Variants in UGT2B17 observed in about 807,000 individuals in gnomAD.
UGT2B17 encodes the protein UDP glucuronosyltransferase family 2 member B17.
Under a neutral mutation model 48.2 loss-of-function variants are expected in UGT2B17, and 21 were observed. The observed-to-expected ratio is 0.44, with a 90% CI of 0.31 to 0.63. The LOEUF (loss-of-function observed/expected upper bound fraction) is 0.63, where lower values mean the gene tolerates loss of function less well. Ranked by LOEUF, UGT2B17 falls within the 20% of genes least tolerant of loss-of-function variation. UGT2B17 has a pLI of 0.08. For synonymous variants in UGT2B17, 146 were observed against 238.4 expected, an observed-to-expected ratio of 0.61 and a Z score of 3.57; for missense variants, 402 against 696.1, an observed-to-expected ratio of 0.58 and a Z score of 4.75.
chr4:68,559,623 G>T (rs1165816646), intron 4 of UGT2B17, among the ~76,000 whole-genome samples: 1 of 126,376 alleles, frequency 7.9e-6, no homozygotes. Context: ...GCAAAAACTT[G>T]CATAGATCAT....
intron 6 of UGT2B17, among the ~76,000 whole-genome samples, chr4:68,543,541 G>T (rs1250398819): frequency 7.9e-6 from 1 of 125,952 alleles, no homozygotes; most frequent in Non-Finnish European, 1.7e-5. Context: ...CTCCTCCAAA[G>T]AAATGCAGCT....
At position 68,557,094 on chromosome 4, in the gene UGT2B17, G is replaced by A. The variant is rs1309079566; in HGVS notation, c.1005+3443C>T. Among the ~76,000 whole-genome samples the A allele has an allele frequency of 7.2e-5, 9 of 124,794 alleles. 4 individuals carry two copies. The highest frequency in any genetic ancestry group is 1.5e-4 in the Non-Finnish European group (9 of 59,020). The allele number at this position is 124,794 out of a possible 152,430, so 81.9% of individuals were successfully genotyped here. A position where few individuals can be genotyped will look rare whatever the true frequency, so the allele number is the denominator to read the frequency against. ...TTATATAAATATGTTATTGGCATGTGTTCCAAAATTATGGGAAACTCCTAT... is the reference window on the plus strand; with the variant it reads ...TTATATAAATATGTTATTGGCATGTATTCCAAAATTATGGGAAACTCCTAT... On this transcript the variant is annotated intron_variant, in intron 4 of 6. Transcript: ENST00000317746.
At position 68,557,935 on chromosome 4, in the gene UGT2B17, A is replaced by G. The variant is rs1033766695; in HGVS notation, c.1005+2602T>C. On this transcript the variant is annotated intron_variant, in intron 4 of 6. Coordinates refer to ENST00000317746, the MANE Select transcript of UGT2B17 (RefSeq NM_001077.4). ...AATGTAACTTTCTGACAGGCCCAGGAGCCCCAAGTTTATTTTGGAACCCCA... is the reference window on the plus strand; with the variant it reads ...AATGTAACTTTCTGACAGGCCCAGGGGCCCCAAGTTTATTTTGGAACCCCA... 1.6e-5 allele frequency among the ~76,000 whole-genome samples: 2 copies of G among 123,886 alleles called. 1 individual carries two copies. The allele number at this position is 123,886 out of a possible 152,430, so 81.3% of individuals were successfully genotyped here. A position where few individuals can be genotyped will look rare whatever the true frequency, so the allele number is the denominator to read the frequency against.
rs1479958179 is a variant in UGT2B17 at position 68,543,249 on chromosome 4, A to G, written c.1314-5345T>C. Among the ~76,000 whole-genome samples the G allele has an allele frequency of 5.6e-5, 7 of 125,346 alleles. 1 individual carries two copies. Among genetic ancestry groups the G allele is most frequent in the Non-Finnish European group, 8.4e-5 (5 of 59,260 alleles). 82.2% of individuals were successfully genotyped at this position (125,346 alleles called of 152,430 possible). A position where few individuals can be genotyped will look rare whatever the true frequency, so the allele number is the denominator to read the frequency against. ...CTCCTCTGAGAAAACTTCCAGAGGA[A>G]CAATCAGACAGCAACATTTGCTGTT... On this transcript the variant is annotated intron_variant, in intron 6 of 6. Coordinates refer to ENST00000317746, the MANE Select transcript of UGT2B17 (RefSeq NM_001077.4).
At chr4:68,572,812 C>T (rs1267451014) in intron 1 of UGT2B17, among the ~76,000 whole-genome samples, 1 of 126,000 alleles carries the variant, frequency 7.9e-6, no homozygotes, top group Non-Finnish European at 1.7e-5. Context: ...CATGCTTCAG[C>T]CATGCGTGGA....
chr4:68,573,765 T>G (rs769698851), intron 1 of UGT2B17, among the ~76,000 whole-genome samples: 1 of 126,674 alleles, frequency 7.9e-6, no homozygotes, highest in Non-Finnish European at 1.7e-5. Flanking sequence ...AAGGGCTGAT[T>G]GATTGATAAG....
At position 68,554,692 on chromosome 4, in the gene UGT2B17, C is replaced by T. The variant is rs1730971636; in HGVS notation, c.1006-2781G>A. On this transcript the variant is annotated intron_variant, in intron 4 of 6. Coordinates refer to ENST00000317746, the MANE Select transcript of UGT2B17 (RefSeq NM_001077.4). ...CCATTTTATTTTCCTTCTAGCACAC[C>T]AATTTTTTTCTCTGTGTACATTATG... Among the ~76,000 whole-genome samples the T allele has an allele frequency of 1.6e-5, 2 of 124,582 alleles. 1 individual carries two copies. The highest frequency in any genetic ancestry group is 7.4e-4 in the South Asian group (2 of 2,718). The allele number at this position is 124,582 out of a possible 152,430, so 81.7% of individuals were successfully genotyped here. A position where few individuals can be genotyped will look rare whatever the true frequency, so the allele number is the denominator to read the frequency against.
chr4:68,539,326 T>A (rs1730612655), intron 6 of UGT2B17, among the ~76,000 whole-genome samples: 1 of 125,680 alleles, frequency 8.0e-6, no homozygotes, highest in South Asian at 3.7e-4. Flanking sequence ...TAAATAATAC[T>A]TATTCATTTC....
Position 68,550,676 on chromosome 4 carries a change from C to T in UGT2B17, c.1313+1G>A, listed in dbSNP as rs1382231823. On this transcript the variant is annotated splice_donor_variant, in intron 6 of 6. Coordinates refer to ENST00000317746, the MANE Select transcript of UGT2B17 (RefSeq NM_001077.4). LOFTEE classifies it high-confidence loss of function. ...CCTGGTCACAAAATTGTAATACTCA[C>T]ATAGGGTCATTAATGACTGACTTCA... 7.3e-7 allele frequency: 1 copy of T among 1,374,804 alleles called. No individual in the cohort carries two copies. The highest frequency in any genetic ancestry group is 9.5e-7 in the Non-Finnish European group (1 of 1,052,046). The allele number at this position is 1,374,804 out of a possible 1,614,324, so 85.2% of individuals were successfully genotyped here. A position where few individuals can be genotyped will look rare whatever the true frequency, so the allele number is the denominator to read the frequency against.
In UGT2B17 at chr4:68,539,126, T is replaced by C. The variant is rs1163509866; in HGVS notation, c.1314-1222A>G. On this transcript the variant is annotated intron_variant, in intron 6 of 6. Transcript: ENST00000317746. ...AAGTATGAAATACATAGGATAAATGTATATACGCTATGTGACTATCTCAAA... is the reference window on the plus strand; with the variant it reads ...AAGTATGAAATACATAGGATAAATGCATATACGCTATGTGACTATCTCAAA... Among the ~76,000 whole-genome samples, 4 of 126,340 alleles carry C rather than the reference T, an allele frequency of 3.2e-5. 1 individual carries two copies. The South Asian group carries it at 1.1e-3, about 35-fold the overall frequency. The allele number at this position is 126,340 out of a possible 152,430, so 82.9% of individuals were successfully genotyped here.
At chr4:68,559,215 T>C (rs1731058209) in intron 4 of UGT2B17, among the ~76,000 whole-genome samples, 1 of 125,438 alleles carries the variant, frequency 8.0e-6, no homozygotes, top group African/African-American at 2.7e-5. Flanking sequence ...ACATCATTGA[T>C]TACAAAAGAC....
intron 6 of UGT2B17, among the ~76,000 whole-genome samples, chr4:68,545,433 A>G (rs1183412490): frequency 8.0e-6 from 1 of 125,320 alleles, no homozygotes; most frequent in Non-Finnish European, 1.7e-5. Flanking sequence ...CAGTGTGTAG[A>G]TGGAAATTTA....
chr4:68,569,998 C>A (rs1434801404), intron 1 of UGT2B17, among the ~76,000 whole-genome samples: 1 of 125,816 alleles, frequency 7.9e-6, no homozygotes, highest in Non-Finnish European at 1.7e-5. Context: ...GTGGACCTAC[C>A]CCTCCACCCC....
In UGT2B17 at chr4:68,564,451, A is replaced by G. The variant is rs746665503; in HGVS notation, c.873+1121T>C. Among the ~76,000 whole-genome samples the G allele has an allele frequency of 2.5e-5, 3 of 119,228 alleles. 1 individual carries two copies. Among genetic ancestry groups the G allele is most frequent in the Non-Finnish European group, 5.2e-5 (3 of 57,424 alleles). 78.2% of individuals were successfully genotyped at this position (119,228 alleles called of 152,430 possible). ...TTAGAGGTGCCTGCCAACATGCCTG[A>G]CTAATTTTTGTATTTTTAGTAGAGA... On this transcript the variant is annotated intron_variant, in intron 3 of 6. Coordinates refer to ENST00000317746, the MANE Select transcript of UGT2B17 (RefSeq NM_001077.4).
In UGT2B17 at chr4:68,566,395, C is replaced by G. The variant is rs1370765545; in HGVS notation, c.725-675G>C. The stretch of plus-strand genomic sequence containing the variant: ...ATGGTTTGACTGTCCCCACCCAAAT[C>G]TCCTCTCATCTTGAATTATAATCCC... On this transcript the variant is annotated intron_variant, in intron 2 of 6. Coordinates refer to ENST00000317746, the MANE Select transcript of UGT2B17 (RefSeq NM_001077.4). Among the ~76,000 whole-genome samples the G allele has an allele frequency of 2.6e-4, 30 of 116,998 alleles. 3 individuals are homozygous for G. The highest frequency in any genetic ancestry group is 8.4e-4 in the African/African-American group (29 of 34,386). 76.8% of individuals were successfully genotyped at this position (116,998 alleles called of 152,430 possible).
At chr4:68,569,700 T>A (rs1320063029) in intron 1 of UGT2B17, among the ~76,000 whole-genome samples, 1 of 125,868 alleles carries the variant, frequency 7.9e-6, no homozygotes, top group Admixed American at 8.1e-5. Context: ...CTACCCTGGC[T>A]GGAGACATGA....
chr4:68,540,829 T>A (rs1309792030), intron 6 of UGT2B17, among the ~76,000 whole-genome samples: 2 of 124,840 alleles, frequency 1.6e-5, no homozygotes, highest in African/African-American at 5.5e-5. Flanking sequence ...CGGTGTGTTT[T>A]GCTCCCCTCC....
rs556046787 is a variant in UGT2B17 at position 68,561,369 on chromosome 4, C to T, written c.874-701G>A. 3.3e-4 allele frequency among the ~76,000 whole-genome samples: 40 copies of T among 122,144 alleles called. 8 individuals carry two copies. Among genetic ancestry groups the T allele is most frequent in the East Asian group, 3.2e-3 (4 of 1,266 alleles). 80.1% of individuals were successfully genotyped at this position (122,144 alleles called of 152,430 possible). A position where few individuals can be genotyped will look rare whatever the true frequency, so the allele number is the denominator to read the frequency against. ...GTCTGGTGTTGGGGCTTGGAATTTC[C>T]GGGAAATAGTTCTGAGAATTCCATT... On this transcript the variant is annotated intron_variant, in intron 3 of 6. Transcript: ENST00000317746.
At position 68,543,681 on chromosome 4, in the gene UGT2B17, T is replaced by C. The variant is rs1215073449; in HGVS notation, c.1314-5777A>G. ...ACCGAAGGCAAAGAAGGTAAAAACCTTGAAAAAAGATTAGATGAATGGCTA... is the reference window on the plus strand; with the variant it reads ...ACCGAAGGCAAAGAAGGTAAAAACCCTGAAAAAAGATTAGATGAATGGCTA... On this transcript the variant is annotated intron_variant, in intron 6 of 6. Coordinates refer to ENST00000317746, the MANE Select transcript of UGT2B17 (RefSeq NM_001077.4). Among the ~76,000 whole-genome samples the C allele has an allele frequency of 1.6e-5, 2 of 122,882 alleles. 1 individual carries two copies. The highest frequency in any genetic ancestry group is 5.6e-5 in the African/African-American group (2 of 35,972). The allele number at this position is 122,882 out of a possible 152,430, so 80.6% of individuals were successfully genotyped here.
Sources: allele counts gnomAD v4.1 joint callset (sites outside exome capture counted in the v4.1 genomes callset), GRCh38; gene constraint gnomAD v4.1.1; transcripts MANE v1.5; gene names NCBI Gene and HGNC (gene_info 2026-07-23, HGNC 2026-07-21).